Variants in CDH9 observed in about 807,000 individuals in gnomAD.
CDH9 encodes the protein cadherin-9.
Under a neutral mutation model 70.9 loss-of-function variants are expected in CDH9, and 28 were observed. The observed-to-expected ratio is 0.40, with a 90% confidence interval of 0.29 to 0.54. The LOEUF (loss-of-function observed/expected upper bound fraction) is 0.54. Ranked by LOEUF, CDH9 falls within the 20% of genes least tolerant of loss-of-function variation. The pLI is 0.59. For missense variants in CDH9, 874 were observed against 984.4 expected (o/e 0.89, Z 1.50); for synonymous variants, 409 against 343.1 (o/e 1.19, Z -2.12).
At chr5:27,002,467 A>G (rs1280858625) in intron 1 of CDH9, among the ~76,000 whole-genome samples, 72 of 152,174 alleles carry the variant, frequency 4.7e-4, no homozygotes, top group Non-Finnish European at 1.3e-4. Flanking sequence ...AGACACATGC[A>G]CACGTATGTT....
In CDH9 at chr5:26,891,114, A is replaced by G. The variant is rs116334775; in HGVS notation, c.1254-550T>C. Among the ~76,000 whole-genome samples, 597 of 152,310 alleles carry G rather than the reference A, an allele frequency of 3.9e-3. 6 individuals carry two copies. The highest frequency in any genetic ancestry group is 0.014 in the African/African-American group (572 of 41,564). On this transcript the variant is annotated intron_variant, in intron 7 of 11. Transcript: ENST00000231021. ...ATTTCAAATCAAAATGAAATGTTAT[A>G]TCACCACAGAGTTCTGTGACTTTCT... is the stretch of plus-strand genomic sequence containing the variant.
At chr5:27,031,829 A>G (rs1743316378) in intron 1 of CDH9, among the ~76,000 whole-genome samples, 1 of 151,902 alleles carries the variant, frequency 6.6e-6, no homozygotes, top group Non-Finnish European at 1.5e-5. Flanking sequence ...TGGTCTCTGT[A>G]GGTTTCAACA....
chr5:26,945,111 C>A (rs1041834637), intron 2 of CDH9, among the ~76,000 whole-genome samples: 2 of 150,218 alleles, frequency 1.3e-5, no homozygotes, highest in Non-Finnish European at 3.0e-5. Flanking sequence ...TACATTTTTA[C>A]TTTTTTTTTA....
intron 2 of CDH9, among the ~76,000 whole-genome samples, chr5:26,956,755 T>G (rs573792337): frequency 2.6e-5 from 4 of 152,136 alleles, no homozygotes; most frequent in Non-Finnish European, 5.9e-5. Flanking sequence ...ATATCAAATT[T>G]ATTAAGCTAA....
intron 2 of CDH9, among the ~76,000 whole-genome samples, chr5:26,932,610 G>A (rs186092054): frequency 1.2e-3 from 183 of 152,010 alleles, no homozygotes; most frequent in Non-Finnish European, 1.8e-3. Context: ...AGTTAGCTTC[G>A]GAATGTCTTT....
At chr5:26,952,799 G>T (rs1250267132) in intron 2 of CDH9, among the ~76,000 whole-genome samples, 1 of 151,116 alleles carries the variant, frequency 6.6e-6, no homozygotes, top group East Asian at 2.0e-4. Context: ...GATTGATACT[G>T]GAGGCTTTAT....
chr5:26,937,727 C>T (rs960365665), intron 2 of CDH9, among the ~76,000 whole-genome samples: 1 of 151,992 alleles, frequency 6.6e-6, no homozygotes, highest in Non-Finnish European at 1.5e-5. Context: ...CTGAAAAAGA[C>T]TATATACCAT....
At chr5:27,007,603 A>G (rs1388515168) in intron 1 of CDH9, among the ~76,000 whole-genome samples, 1 of 152,126 alleles carries the variant, frequency 6.6e-6, no homozygotes, top group African/African-American at 2.4e-5. Context: ...ACAAATAAAT[A>G]TATAAAATAT....
At chr5:26,895,038 C>G (rs1189405088) in intron 7 of CDH9, among the ~76,000 whole-genome samples, 6 of 152,012 alleles carry the variant, frequency 3.9e-5, no homozygotes, top group African/African-American at 1.4e-4. Flanking sequence ...CACAAATAAT[C>G]TAAACTCAAT....
intron 1 of CDH9, among the ~76,000 whole-genome samples, chr5:26,999,968 T>A (rs1236828030): frequency 6.6e-6 from 1 of 152,060 alleles, no homozygotes; most frequent in African/African-American, 2.4e-5. Context: ...GCCAAAAGTA[T>A]CTTGGGTCTG....
intron 1 of CDH9, among the ~76,000 whole-genome samples, chr5:27,022,420 C>T (rs893115878): frequency 3.9e-5 from 6 of 152,028 alleles, no homozygotes; most frequent in African/African-American, 1.4e-4. Flanking sequence ...CCATACCACA[C>T]AATTCCTTGA....
intron 7 of CDH9, among the ~76,000 whole-genome samples, chr5:26,900,508 C>T (rs1445238007): frequency 6.6e-6 from 1 of 151,918 alleles, no homozygotes; most frequent in African/African-American, 2.4e-5. Flanking sequence ...GCAAGGTGCC[C>T]AGCATTTACT....
At chr5:26,945,508 T>C (rs1248385036) in intron 2 of CDH9, among the ~76,000 whole-genome samples, 1 of 152,158 alleles carries the variant, frequency 6.6e-6, no homozygotes, top group Non-Finnish European at 1.5e-5. Context: ...TATGTGGTAA[T>C]GTTGCTAATG....
chr5:27,010,084 G>A, intron 1 of CDH9, among the ~76,000 whole-genome samples: 1 of 152,014 alleles, frequency 6.6e-6, no homozygotes, highest in East Asian at 1.9e-4. Flanking sequence ...CACTTGATAT[G>A]AGATCTATCC....
intron 1 of CDH9, among the ~76,000 whole-genome samples, chr5:27,035,283 T>C (rs10473825): frequency 0.022 from 3,324 of 151,130 alleles, 113 homozygotes; most frequent in African/African-American, 0.077. Flanking sequence ...TTAAAACTCC[T>C]CTTCTAAAGT....
chr5:26,997,347 T>C (rs939543474), intron 1 of CDH9, among the ~76,000 whole-genome samples: 1 of 152,086 alleles, frequency 6.6e-6, no homozygotes, highest in African/African-American at 2.4e-5. Context: ...TCTGACAATA[T>C]TGGATTGGCC....
At chr5:26,921,874 A>G (rs1032265337) in intron 2 of CDH9, among the ~76,000 whole-genome samples, 3 of 152,186 alleles carry the variant, frequency 2.0e-5, no homozygotes, top group African/African-American at 7.2e-5. Context: ...TTTAACAAAG[A>G]GATTAAAATA....
intron 1 of CDH9, among the ~76,000 whole-genome samples, chr5:27,016,825 T>C (rs1743054294): frequency 1.3e-5 from 2 of 152,036 alleles, no homozygotes; most frequent in Non-Finnish European, 1.5e-5. Flanking sequence ...ACGTTGTTTC[T>C]TGATCCACTG....
At chr5:26,970,006 A>T (rs988159743) in intron 2 of CDH9, among the ~76,000 whole-genome samples, 1 of 150,558 alleles carries the variant, frequency 6.6e-6, no homozygotes, top group African/African-American at 2.4e-5. Flanking sequence ...ACTTCTTTAT[A>T]CCAAAACCAA....
Sources: allele counts gnomAD v4.1 joint callset (sites outside exome capture counted in the v4.1 genomes callset), GRCh38; gene constraint gnomAD v4.1.1; transcripts MANE v1.5; gene names NCBI Gene and HGNC (gene_info 2026-07-23, HGNC 2026-07-21).